The following GTSE1 variants were observed in gnomAD, a reference collection of about 807,000 sequenced individuals.
GTSE1 encodes G2 and S phase-expressed protein 1.
GTSE1 carries 52 observed loss-of-function variants against 60.5 expected under a neutral mutation model. The observed-to-expected ratio is 0.86, with a 90% CI of 0.69 to 1.08. GTSE1 has a LOEUF of 1.08. GTSE1 is among the 50% of genes least tolerant of loss of function. GTSE1 has a pLI of 0.00. For missense variants in GTSE1, 937 were observed against 961.8 expected, an observed-to-expected ratio of 0.97 and a Z score of 0.34; for synonymous variants, 368 against 386.5, an observed-to-expected ratio of 0.95 and a Z score of 0.56.
In GTSE1 at chr22:46,329,340, C is replaced by T. The variant is rs1569049429; in HGVS notation, c.1927-18C>T. The T allele has an allele frequency of 6.3e-7, 1 of 1,593,508 alleles. No individual in the cohort carries two copies. Among genetic ancestry groups the T allele is most frequent in the South Asian group, 1.1e-5 (1 of 90,676 alleles). The stretch of plus-strand genomic sequence containing the variant: ...GAAAGATGCTGGACTCTGCTCTTAA[C>T]CTTGGTTTTGTACCCAGGCTCTTCT... On this transcript the variant is annotated intron_variant, in intron 10 of 11. Transcript: ENST00000454366. This position sits in a 1 kb window ranked among gnomAD's most constrained non-coding sequence, Gnocchi z 6.4.
At position 46,297,518 on chromosome 22, in the gene GTSE1, T is replaced by C; in HGVS notation, c.79+39T>C. 1 of 1,391,166 alleles carries C rather than the reference T, an allele frequency of 7.2e-7. No individual in the cohort carries two copies. The highest frequency in any genetic ancestry group is 1.0e-6 in the Non-Finnish European group (1 of 980,958). The allele number at this position is 1,391,166 out of a possible 1,614,324, so 86.2% of individuals were successfully genotyped here. A position where few individuals can be genotyped will look rare whatever the true frequency, so the allele number is the denominator to read the frequency against. ...GCTGCGGCGCTGTTGTTGTTCAGGA[T>C]GTTCAGTAGAGATGGAGGGTGATTT... On this transcript the variant is annotated intron_variant, in intron 2 of 11. Transcript: ENST00000454366. This position sits in a 1 kb window ranked among gnomAD's most constrained non-coding sequence, Gnocchi z 4.9.
chr22:46,307,957 T>G (rs1283114283), intron 2 of GTSE1, among the ~76,000 whole-genome samples, 193 bp from the exon 3 acceptor site: 2 of 152,192 alleles, frequency 1.3e-5, no homozygotes, highest in Admixed American at 6.5e-5. Context: ...AGAAAAAATT[T>G]AAAAAATTTT....
In GTSE1 at chr22:46,319,993, A is replaced by AAAAG. The variant is rs1195865062; in HGVS notation, c.1433-3181_1433-3178dup. ...GAACGAGACTGTCTCAAAAAAAAAA[A>AAAAG]AAAGAAAGAAAGAAAGAAAAGAAAT... On this transcript the variant is annotated intron_variant, in intron 7 of 11. Transcript: ENST00000454366. The surrounding 1 kb of genome is among the most constrained non-coding windows in gnomAD (Gnocchi z 5.0). Among the ~76,000 whole-genome samples, 9 of 151,046 alleles carry AAAAG rather than the reference A, an allele frequency of 6.0e-5. No homozygotes were observed. In the East Asian group the frequency reaches 1.4e-3, roughly 23 times the overall value.
chr22:46,330,806 G>T lies in GTSE1; in HGVS notation c.*676G>T, dbSNP rs2077871930. ...TTGTAAAATAAATGGACTTATTGAA[G>T]CATATCTTGATTTTTAAGCTTATCT... On this transcript the variant is annotated 3_prime_UTR_variant, in exon 12 of 12. Transcript: ENST00000454366. The surrounding 1 kb of genome is among the most constrained non-coding windows in gnomAD (Gnocchi z 6.0). 6.6e-6 allele frequency: 1 copy of T among 152,270 alleles called. No homozygotes were observed. The highest frequency in any genetic ancestry group is 1.5e-5 in the Non-Finnish European group (1 of 68,042). The allele number at this position is 152,270 out of a possible 1,614,324, so 9.4% of individuals were successfully genotyped here.
At chr22:46,299,942 G>A (rs1339013910) in intron 2 of GTSE1, among the ~76,000 whole-genome samples, 22 of 144,104 alleles carry the variant, frequency 1.5e-4, no homozygotes, top group Admixed American at 9.1e-4. Flanking sequence ...ACAGGCGCCC[G>A]CCACCACGCC....
In GTSE1 at chr22:46,328,853, G is replaced by C; in HGVS notation, c.1890G>C (p.Glu630Asp). ...SKSTATEVAREEAKPGGDAAP... is the reference protein window; with the variant it reads ...SKSTATEVARDEAKPGGDAAP... ...GTACTGCCACAGAAGTAGCTCGGGA[G>C]GAAGCCAAGCCGGGTGGAGATGCAG... The change falls in exon 10 of 12, where the codon GAG becomes GAC. Residue 630 changes from glutamate to aspartate, a missense_variant. Physicochemically the swap from Glu to Asp is conservative, Grantham distance 45. Transcript: ENST00000454366. 1.2e-6 allele frequency: 2 copies of C among 1,613,986 alleles called. No homozygotes were observed. The highest frequency in any genetic ancestry group is 1.7e-6 in the Non-Finnish European group (2 of 1,180,000).
chr22:46,320,944 G>A lies in GTSE1; in HGVS notation c.1433-2246G>A, dbSNP rs1393730603. 6.6e-6 allele frequency among the ~76,000 whole-genome samples: 1 copy of A among 152,062 alleles called. No homozygotes were observed. Among genetic ancestry groups the A allele is most frequent in the Admixed American group, 6.5e-5 (1 of 15,272 alleles). ...GTGCCACCATGGAAGCTGCTGAAGA[G>A]TGCGCTCCACCCAGCTGAGGGAGAG... On this transcript the variant is annotated intron_variant, in intron 7 of 11. Coordinates refer to ENST00000454366, the MANE Select transcript of GTSE1 (RefSeq NM_016426.7). This position sits in a 1 kb window ranked among gnomAD's most constrained non-coding sequence, Gnocchi z 7.1.
intron 2 of GTSE1, among the ~76,000 whole-genome samples, chr22:46,299,942 G>C (rs1339013910): frequency 1.4e-5 from 2 of 144,104 alleles, no homozygotes; most frequent in East Asian, 4.0e-4. Flanking sequence ...ACAGGCGCCC[G>C]CCACCACGCC....
At chr22:46,325,432 G>A (rs781055861) in intron 8 of GTSE1, among the ~76,000 whole-genome samples, 4 of 152,086 alleles carry the variant, frequency 2.6e-5, no homozygotes, top group Non-Finnish European at 4.4e-5. Flanking sequence ...TCCTGACCTC[G>A]TGATCCACCC....
chr22:46,327,445 G>C (rs1479899199), intron 9 of GTSE1: 11 of 152,152 alleles, frequency 7.2e-5, no homozygotes, highest in Non-Finnish European at 2.9e-5. Flanking sequence ...AGCCCGAGGT[G>C]GGCAGATCAC....
chr22:46,328,729 G>C lies in GTSE1; in HGVS notation c.1766G>C (p.Arg589Thr). ...GAGAGCAACAGAAAGACAGATTCCA[G>C]GCTGGTGGATGTGTCCCCTGACAGG... is the stretch of plus-strand genomic sequence containing the variant. ...TRESNRKTDS[R>T]LVDVSPDRGS... The change falls in exon 10 of 12, where the codon AGG becomes ACG. Residue 589 changes from arginine (R) to threonine (T), a missense_variant. Coordinates refer to ENST00000454366, the MANE Select transcript of GTSE1 (RefSeq NM_016426.7). The C allele has an allele frequency of 6.2e-7, 1 of 1,614,114 alleles. No individual in the cohort carries two copies. Among genetic ancestry groups the C allele is most frequent in the Non-Finnish European group, 8.5e-7 (1 of 1,179,932 alleles).
Position 46,320,987 on chromosome 22 carries a change from G to T in GTSE1, c.1433-2203G>T, listed in dbSNP as rs1246290452. Among the ~76,000 whole-genome samples, 1 of 152,038 alleles carries T rather than the reference G, an allele frequency of 6.6e-6. No individual in the cohort carries two copies. Among genetic ancestry groups the T allele is most frequent in the African/African-American group, 2.4e-5 (1 of 41,376 alleles). On this transcript the variant is annotated intron_variant, in intron 7 of 11. Coordinates refer to ENST00000454366, the MANE Select transcript of GTSE1 (RefSeq NM_016426.7). This position sits in a 1 kb window ranked among gnomAD's most constrained non-coding sequence, Gnocchi z 7.1. The stretch of plus-strand genomic sequence containing the variant: ...AGGGAGAGGACAACCGAGAGGAAGG[G>T]GTCTCGGGAGAGAGGGAGCCAACAC...
intron 8 of GTSE1, 78 bp downstream of exon 8, chr22:46,323,340 A>G (rs1021775698): frequency 1.8e-6 from 2 of 1,135,598 alleles, no homozygotes; most frequent in Non-Finnish European, 2.7e-6. Context: ...CCATTTGGTA[A>G]CCCTGCAGCC....
rs906750282 is a variant in GTSE1, at chr22:46,297,704, C to G, written c.79+225C>G. Among the ~76,000 whole-genome samples, 1 of 152,170 alleles carries G rather than the reference C, an allele frequency of 6.6e-6. No homozygotes were observed. The highest frequency in any genetic ancestry group is 1.5e-5 in the Non-Finnish European group (1 of 68,024). On this transcript the variant is annotated intron_variant, in intron 2 of 11. Transcript: ENST00000454366. This position sits in a 1 kb window ranked among gnomAD's most constrained non-coding sequence, Gnocchi z 4.9. The stretch of plus-strand genomic sequence containing the variant: ...ATCCGTTTTATTTACCGCAGTGCTC[C>G]CATGCCCTGAACAGCACCTAACACT...
At position 46,297,486 on chromosome 22, in the gene GTSE1, C is replaced by T. The variant is rs749495003; in HGVS notation, c.79+7C>T. ...GATGACCCTAAGAAGGAAGGCAAGT[C>T]CTTGCTGCTGCGGCGCTGTTGTTGT... On this transcript the variant is annotated splice_region_variant and intron_variant, in intron 2 of 11. Coordinates refer to ENST00000454366, the MANE Select transcript of GTSE1 (RefSeq NM_016426.7). This position sits in a 1 kb window ranked among gnomAD's most constrained non-coding sequence, Gnocchi z 4.9. 6.3e-7 allele frequency: 1 copy of T among 1,594,718 alleles called. No homozygotes were observed. Among genetic ancestry groups the T allele is most frequent in the Non-Finnish European group, 8.6e-7 (1 of 1,162,858 alleles).
chr22:46,302,651 T>C (rs1339415818), intron 2 of GTSE1, among the ~76,000 whole-genome samples: 1 of 151,134 alleles, frequency 6.6e-6, no homozygotes, highest in African/African-American at 2.4e-5. Flanking sequence ...TGTGAGCCAC[T>C]GGGCCCAGCC....
intron 2 of GTSE1, among the ~76,000 whole-genome samples, chr22:46,301,365 C>T (rs1309834691): frequency 1.3e-5 from 2 of 152,174 alleles, no homozygotes; most frequent in Admixed American, 6.5e-5. Context: ...ATAATTTACA[C>T]CTTCCCCAGC....
Position 46,308,213 on chromosome 22 carries a change from C to T in GTSE1, c.137+6C>T, listed in dbSNP as rs1217325256. 1 of 1,612,000 alleles carries T rather than the reference C, an allele frequency of 6.2e-7. No individual in the cohort carries two copies. The highest frequency in any genetic ancestry group is 8.5e-7 in the Non-Finnish European group (1 of 1,178,282). Reference sequence around the variant, plus strand: ...CTTTCATTGTCTTCTTCGAGGTAAACAAATGAGTTTTCTTCCCTTGCCTTG... The same window carrying T: ...CTTTCATTGTCTTCTTCGAGGTAAATAAATGAGTTTTCTTCCCTTGCCTTG... On this transcript the variant is annotated splice_donor_region_variant and intron_variant, in intron 3 of 11. Coordinates refer to ENST00000454366, the MANE Select transcript of GTSE1 (RefSeq NM_016426.7).
At position 46,297,132 on chromosome 22, in the gene GTSE1, A is replaced by G. The variant is rs569454587; in HGVS notation, c.-22+201A>G. Among the ~76,000 whole-genome samples the G allele has an allele frequency of 2.0e-5, 3 of 152,274 alleles. No homozygotes were observed. Among genetic ancestry groups the G allele is most frequent in the Non-Finnish European group, 2.9e-5 (2 of 68,010 alleles). On this transcript the variant is annotated intron_variant, in intron 1 of 11. Transcript: ENST00000454366. The surrounding 1 kb of genome is among the most constrained non-coding windows in gnomAD (Gnocchi z 4.9). Reference sequence around the variant, plus strand: ...GCCCCCCAGGCAAACAGAGCCCCCAACACTCTGGCCCAGAAGCCGAGAATT... The same window carrying G: ...GCCCCCCAGGCAAACAGAGCCCCCAGCACTCTGGCCCAGAAGCCGAGAATT...
Sources: allele counts gnomAD v4.1 joint callset (sites outside exome capture counted in the v4.1 genomes callset), GRCh38; gene constraint gnomAD v4.1.1; non-coding constraint Gnocchi (gnomAD v3.1); transcripts MANE v1.5; gene names NCBI Gene and HGNC (gene_info 2026-07-23, HGNC 2026-07-21).